Variants in LINGO2 observed in about 807,000 individuals in gnomAD.
The protein encoded by LINGO2 is leucine rich repeat and Ig domain containing 2.
Under a neutral mutation model 30.6 loss-of-function variants are expected in LINGO2, and 14 were observed. The ratio of observed to expected loss-of-function variants is 0.46; its 90% CI spans 0.30 to 0.72. The LOEUF (loss-of-function observed/expected upper bound fraction) is 0.72. Among genes scored for constraint, LINGO2 ranks in the 30% least tolerant of loss-of-function variants. The pLI is 0.07. For missense variants in LINGO2, 729 were observed against 751.7 expected (o/e 0.97, Z 0.35); for synonymous variants, 317 against 288.5 (o/e 1.10, Z -1.00).
chr9:28,204,409 G>C (rs998736249), intron 4 of LINGO2, among the ~76,000 whole-genome samples: 1 of 152,136 alleles, frequency 6.6e-6, no homozygotes, highest in Non-Finnish European at 1.5e-5. Flanking sequence ...TTCTGATACT[G>C]TGATGCTCTT....
At chr9:28,037,176 T>C (rs1823978054) in intron 4 of LINGO2, among the ~76,000 whole-genome samples, 1 of 152,212 alleles carries the variant, frequency 6.6e-6, no homozygotes, top group Non-Finnish European at 1.5e-5. Context: ...AATCACAACC[T>C]GTGTCTACTC....
the LINGO2 span, among the ~76,000 whole-genome samples, chr9:28,754,458 T>C: frequency 1.1e-3 from 166 of 152,110 alleles, 1 homozygote; most frequent in Non-Finnish European, 2.0e-3. Flanking sequence ...TTGTTAGAAA[T>C]ATAATTTCTG....
chr9:28,143,395 T>A (rs912757135), intron 4 of LINGO2, among the ~76,000 whole-genome samples: 4 of 152,216 alleles, frequency 2.6e-5, no homozygotes, highest in Non-Finnish European at 5.9e-5. Context: ...AGTGCTATTT[T>A]GGATTTGCAC....
At chr9:28,626,799 A>G (rs761599658) in intron 1 of LINGO2, among the ~76,000 whole-genome samples, 2 of 149,998 alleles carry the variant, frequency 1.3e-5, no homozygotes, top group African/African-American at 2.5e-5. Context: ...CACCTAGTAA[A>G]TGTTTTTTTC....
At chr9:28,813,661 G>A in the LINGO2 span, among the ~76,000 whole-genome samples, 1 of 152,166 alleles carries the variant, frequency 6.6e-6, no homozygotes, top group East Asian at 1.9e-4. Flanking sequence ...TGAGGACAGC[G>A]AATAAACAGA....
intron 4 of LINGO2, among the ~76,000 whole-genome samples, chr9:28,227,947 TATCCAGAGTA>T (rs1307376695): frequency 6.6e-6 from 1 of 152,066 alleles, no homozygotes. Context: ...ATTTATTAAT[TATCCAGAGTA>T]ATTAGGGCTT....
At chr9:28,362,882 C>T (rs965674450) in intron 3 of LINGO2, among the ~76,000 whole-genome samples, 9 of 152,160 alleles carry the variant, frequency 5.9e-5, no homozygotes, top group Non-Finnish European at 1.3e-4. Context: ...GGTTCTAATT[C>T]TCCCAGCATC....
intron 4 of LINGO2, among the ~76,000 whole-genome samples, chr9:28,183,510 G>T (rs10812751): frequency 0.24 from 36,455 of 151,892 alleles, 4,949 homozygotes; most frequent in Non-Finnish European, 0.3. Context: ...GCCTTTTTTT[G>T]TAAATAAAGT....
chr9:28,692,435 A>C, the LINGO2 span, among the ~76,000 whole-genome samples: 32 of 152,146 alleles, frequency 2.1e-4, no homozygotes, highest in Non-Finnish European at 2.1e-4. Context: ...AGATCGTGCC[A>C]GTTCACTTAA....
chr9:28,131,007 G>A (rs1359052694), intron 4 of LINGO2, among the ~76,000 whole-genome samples: 1 of 151,878 alleles, frequency 6.6e-6, no homozygotes, highest in Non-Finnish European at 1.5e-5. Flanking sequence ...CTTTACTTAT[G>A]TTTCTTCCTT....
At chr9:28,622,711 GATCAT>G (rs1266617039) in intron 1 of LINGO2, among the ~76,000 whole-genome samples, 1 of 149,358 alleles carries the variant, frequency 6.7e-6, no homozygotes, top group African/African-American at 2.5e-5. Flanking sequence ...GGGATTGCTG[GATCAT>G]ATGGCAGCTC....
the LINGO2 span, among the ~76,000 whole-genome samples, chr9:28,697,082 A>G: frequency 6.6e-6 from 1 of 151,948 alleles, no homozygotes; most frequent in East Asian, 1.9e-4. Context: ...TATTCTTTGA[A>G]AATTTTATGA....
At chr9:28,268,754 T>A (rs1239109924) in intron 4 of LINGO2, among the ~76,000 whole-genome samples, 1 of 152,116 alleles carries the variant, frequency 6.6e-6, no homozygotes, top group African/African-American at 2.4e-5. Flanking sequence ...TTTTTCTGTC[T>A]ATTAAACTAG....
chr9:28,803,682 A>T, the LINGO2 span, among the ~76,000 whole-genome samples: 1 of 151,968 alleles, frequency 6.6e-6, no homozygotes, highest in Non-Finnish European at 1.5e-5. Context: ...ATCTAGTCCA[A>T]TTATTTCCCC....
At chr9:28,359,688 C>G (rs150268992) in intron 3 of LINGO2, among the ~76,000 whole-genome samples, 19 of 152,260 alleles carry the variant, frequency 1.2e-4, no homozygotes, top group Admixed American at 1.2e-3. Flanking sequence ...TTAGAATCCA[C>G]TGAGAAACAA....
chr9:28,959,020 G>A, the LINGO2 span, among the ~76,000 whole-genome samples: 5 of 152,106 alleles, frequency 3.3e-5, no homozygotes, highest in Non-Finnish European at 5.9e-5. Context: ...CACAATCATT[G>A]GAGAAATCTG....
intron 4 of LINGO2, among the ~76,000 whole-genome samples, chr9:28,014,504 G>A (rs1481668584): frequency 2.6e-5 from 4 of 152,162 alleles, no homozygotes; most frequent in Admixed American, 1.3e-4. Flanking sequence ...CTGAGAATAT[G>A]AGAAATGATA....
intron 4 of LINGO2, among the ~76,000 whole-genome samples, chr9:28,139,869 C>T (rs1289556488): frequency 1.3e-5 from 2 of 151,986 alleles, no homozygotes; most frequent in African/African-American, 4.8e-5. Context: ...CATTGAACTC[C>T]CTTACTAATC....
chr9:29,183,603 T>C, the LINGO2 span, among the ~76,000 whole-genome samples: 1 of 152,172 alleles, frequency 6.6e-6, no homozygotes, highest in South Asian at 2.1e-4. Context: ...CATTCATTCC[T>C]CTATTCTGAG....
Sources: allele counts gnomAD v4.1 joint callset (sites outside exome capture counted in the v4.1 genomes callset), GRCh38; gene constraint gnomAD v4.1.1; transcripts MANE v1.5; gene names NCBI Gene and HGNC (gene_info 2026-07-23, HGNC 2026-07-21).